Variants in MAMSTR observed in about 807,000 individuals in gnomAD.
The protein encoded by MAMSTR is MEF2 activating motif and SAP domain containing transcriptional regulator.
MAMSTR carries 41 observed loss-of-function variants against 42.7 expected under a neutral mutation model. The observed-to-expected ratio is 0.96, with a 90% CI of 0.75 to 1.25. The LOEUF is 1.25. Among genes scored for constraint, MAMSTR ranks in the 50% most tolerant of loss-of-function variants. The pLI is 0.00. For synonymous variants in MAMSTR, 265 were observed against 244.1 expected, an observed-to-expected ratio of 1.09 and a Z score of -0.80; for missense variants, 567 against 557.6, an observed-to-expected ratio of 1.02 and a Z score of -0.17.
intron 9 of MAMSTR, 35 bp downstream of exon 9, chr19:48,713,681 C>T: frequency 6.2e-7 from 1 of 1,613,310 alleles, no homozygotes. Flanking sequence ...AACCTCAGCC[C>T]CCACCTCCCC....
chr19:48,714,184 T>A (rs1426540804), intron 7 of MAMSTR, 139 bp from the exon 8 acceptor site: 1 of 1,076,016 alleles, frequency 9.3e-7, no homozygotes, highest in Non-Finnish European at 1.3e-6. Context: ...CCCCTATTCT[T>A]TCATTGGCTC....
chr19:48,714,312 C>G, intron 7 of MAMSTR, 54 bp downstream of exon 7: 2 of 1,319,788 alleles, frequency 1.5e-6, no homozygotes, highest in Non-Finnish European at 1.9e-6. Flanking sequence ...CACCCCGCCC[C>G]GGCCCACTTT....
Position 48,714,366 on chromosome 19 carries a change from C to A in MAMSTR, c.723G>T (p.Ser241=). 3 of 1,362,568 alleles carry A rather than the reference C, an allele frequency of 2.2e-6. No individual in the cohort carries two copies. Among genetic ancestry groups the A allele is most frequent in the African/African-American group, 1.5e-5 (1 of 65,410 alleles). The allele number at this position is 1,362,568 out of a possible 1,614,324, so 84.4% of individuals were successfully genotyped here. Residue 241 remains serine, a splice_region_variant and synonymous_variant, in exon 7 of 10, where the codon TCG becomes TCT. Coordinates refer to ENST00000318083, the MANE Select transcript of MAMSTR (RefSeq NM_001130915.2). The stretch of plus-strand genomic sequence containing the variant: ...CGCAAGCTCATAGCCCCGCCCTCAC[C>A]GAGCCCTGACGCCGGGCGGCTGCCA... The part of the protein sequence containing the change: ...KALAAARRQG[S]VKPSAASHRP...
chr19:48,719,231 G>A lies in MAMSTR; in HGVS notation c.-21-179C>T, dbSNP rs971182656. Among the ~76,000 whole-genome samples, 2 of 152,128 alleles carry A rather than the reference G, an allele frequency of 1.3e-5. No homozygotes were observed. The highest frequency in any genetic ancestry group is 1.9e-4 in the East Asian group (1 of 5,182). ...CTGTAGAGGAGGGGGCTGCACACCC[G>A]GACACCTTGCTCCGAGGAAGGAGGA... On this transcript the variant is annotated intron_variant, in intron 1 of 9. Transcript: ENST00000318083. The surrounding 1 kb of genome is among the most constrained non-coding windows in gnomAD (Gnocchi z 4.4).
In MAMSTR at chr19:48,713,438, C is replaced by T; in HGVS notation, c.1077G>A (p.Thr359=). Residue 359 remains threonine, a synonymous_variant, in exon 10 of 10, where the codon ACG becomes ACA. Transcript: ENST00000318083. ...SVFSSSLPSP[T]NSSSPSPRDP... is the part of the protein sequence containing the mutation. ...CCCTGGGAGAAGGGGAGGAGGAGTT[C>T]GTGGGAGACGGGAGTGAAGAGGAGA... is the stretch of plus-strand genomic sequence containing the variant. 1 of 1,612,418 alleles carries T rather than the reference C, an allele frequency of 6.2e-7. No homozygotes were observed. Among genetic ancestry groups the T allele is most frequent in the South Asian group, 1.1e-5 (1 of 90,956 alleles).
the MAMSTR span, among the ~76,000 whole-genome samples, chr19:48,706,303 T>A: frequency 7.5e-5 from 11 of 146,018 alleles, no homozygotes; most frequent in African/African-American, 2.0e-4. Context: ...AAAAAAAAAA[T>A]TCTTAAGAGT....
At chr19:48,714,074 T>A in intron 7 of MAMSTR, 29 bp from the exon 8 acceptor site, 1 of 1,541,456 alleles carries the variant, frequency 6.5e-7, no homozygotes, top group Non-Finnish European at 8.7e-7. Context: ...CGAGCGCCCA[T>A]AAGCCATGCC....
At chr19:48,717,877 T>A (rs936590153) in intron 2 of MAMSTR, among the ~76,000 whole-genome samples, 1 of 151,986 alleles carries the variant, frequency 6.6e-6, no homozygotes, top group Non-Finnish European at 1.5e-5. Context: ...GCTAATTTTC[T>A]GTATTTTAGT....
At chr19:48,707,888 A>AAAGAAAGAAAGAAAAG (rs776827691), downstream of MAMSTR, among the ~76,000 whole-genome samples, 1 of 80,418 alleles carries the variant, frequency 1.2e-5, no homozygotes, top group Non-Finnish European at 2.4e-5. Flanking sequence ...AGAAAGAAAG[A>AAAGAAAGAAAGAAAAG]AAAGAAAGAA....
chr19:48,707,815 A>G (rs1324553964), downstream of MAMSTR, among the ~76,000 whole-genome samples: 1 of 147,032 alleles, frequency 6.8e-6, no homozygotes, highest in African/African-American at 2.6e-5. Context: ...AAGGAAAGAA[A>G]GAAAGAAAGA....
At chr19:48,707,872 A>AAAGAAAGAAAGAAAAGAAAGAAAGGAAGG, downstream of MAMSTR, among the ~76,000 whole-genome samples, 1 of 112,982 alleles carries the variant, frequency 8.9e-6, no homozygotes, top group African/African-American at 3.8e-5. Context: ...AGAAAGAAAG[A>AAAGAAAGAAAGAAAAGAAAGAAAGGAAGG]AAGAAAGAAA....
chr19:48,714,226 T>C (rs2032875211), intron 7 of MAMSTR, 140 bp downstream of exon 7: 1 of 998,552 alleles, frequency 1.0e-6, no homozygotes, highest in Non-Finnish European at 1.4e-6. Flanking sequence ...CCTGTTAGTC[T>C]GAACCACGTC....
chr19:48,714,731 A>G (rs1327637245), intron 6 of MAMSTR, 75 bp downstream of exon 6: 1 of 1,352,240 alleles, frequency 7.4e-7, no homozygotes, highest in Non-Finnish European at 1.1e-6. Context: ...TCCAGAGGGC[A>G]GAGGCTGCGG....
At chr19:48,715,187 G>T in intron 5 of MAMSTR, 75 bp downstream of exon 5, 1 of 1,372,348 alleles carries the variant, frequency 7.3e-7, no homozygotes, top group South Asian at 1.3e-5. Flanking sequence ...CCTAATCTTG[G>T]ACTCGAGGTT....
chr19:48,713,535 A>C lies in MAMSTR; in HGVS notation c.980T>G (p.Ile327Ser), dbSNP rs544289751. 12 of 1,611,254 alleles carry C rather than the reference A, an allele frequency of 7.4e-6. No homozygotes were observed. In the South Asian group the frequency reaches 1.3e-4, roughly 18 times the overall value. ...QVEPDDPLPP[I>S]PLDFPGSFDV... ...GAAGGAGCCAGGGAAGTCCAGGGGA[A>C]TAGGGGGCAGGGGGTCTGCGGGATA... Residue 327 changes from isoleucine (I) to serine (S), a missense_variant, in exon 10 of 10, where the codon ATT becomes AGT. Ile to Ser is a moderately radical substitution (Grantham distance 142, BLOSUM62 -2). Coordinates refer to ENST00000318083, the MANE Select transcript of MAMSTR (RefSeq NM_001130915.2).
At chr19:48,713,572 A>C (rs1285261798) in intron 9 of MAMSTR, 22 bp from the exon 10 acceptor site, 1 of 1,604,886 alleles carries the variant, frequency 6.2e-7, no homozygotes, top group South Asian at 1.1e-5. Context: ...AGAATGGTAC[A>C]TGAGCTTGGA....
chr19:48,708,547 G>A (rs1011959934), downstream of MAMSTR, among the ~76,000 whole-genome samples: 3 of 152,152 alleles, frequency 2.0e-5, no homozygotes, highest in African/African-American at 7.2e-5. Flanking sequence ...CTTTGGAGAA[G>A]AGTTGGGTGT....
downstream of MAMSTR, among the ~76,000 whole-genome samples, chr19:48,712,154 A>C (rs2032740833): frequency 6.6e-6 from 1 of 152,004 alleles, no homozygotes; most frequent in Non-Finnish European, 1.5e-5. Flanking sequence ...CAGCTTCCCA[A>C]AGTGCTGGGA....
chr19:48,707,880 AAAG>A (rs755774315), downstream of MAMSTR, among the ~76,000 whole-genome samples: 511 of 111,228 alleles, frequency 4.6e-3, 6 homozygotes, highest in Non-Finnish European at 7.1e-3. Context: ...AGAAAGAAAG[AAAG>A]AAAGAAAAGA....
Sources: gnomAD v4.1 joint callset for allele counts (sites outside exome capture counted in the v4.1 genomes callset) on GRCh38, gnomAD v4.1.1 for gene constraint, Gnocchi (gnomAD v3.1) non-coding constraint, MANE v1.5 for transcripts, NCBI Gene and HGNC (gene_info 2026-07-23, HGNC 2026-07-21) for gene names.